PHACTR3: variants seen among roughly 807,000 people sequenced by gnomAD.
PHACTR3 encodes the protein protein phosphatase 1, regulatory subunit 123.
PHACTR3 carries 16 observed loss-of-function variants against 66.8 expected under a neutral mutation model. The observed-to-expected ratio is 0.24, with a 90% CI of 0.16 to 0.36. The LOEUF (loss-of-function observed/expected upper bound fraction) is 0.36, where lower values mean the gene tolerates loss of function less well. Ranked by LOEUF, PHACTR3 falls within the 10% of genes least tolerant of loss-of-function variation. PHACTR3 has a pLI of 1.00. For missense variants in PHACTR3, 647 were observed against 719.9 expected, an observed-to-expected ratio of 0.90 and a Z score of 1.16; for synonymous variants, 323 against 292.1, an observed-to-expected ratio of 1.11 and a Z score of -1.08.
At chr20:59,826,256 G>A (rs541945032) in intron 8 of PHACTR3, among the ~76,000 whole-genome samples, 2 of 152,232 alleles carry the variant, frequency 1.3e-5, no homozygotes, top group Non-Finnish European at 2.9e-5. Context: ...TCCTCAGCAG[G>A]TTGTCTCCCT....
At chr20:59,783,811 A>T (rs1031089291) in intron 7 of PHACTR3, among the ~76,000 whole-genome samples, 12 of 152,110 alleles carry the variant, frequency 7.9e-5, no homozygotes, top group African/African-American at 2.9e-4. Flanking sequence ...TGATTTCAAG[A>T]TTGGGGCATG....
intron 1 of PHACTR3, among the ~76,000 whole-genome samples, chr20:59,700,776 C>T (rs2037473926): frequency 6.6e-6 from 1 of 150,968 alleles, no homozygotes; most frequent in Non-Finnish European, 1.5e-5. Context: ...TAGGTGCTTA[C>T]TTTTTTTGTT....
At chr20:59,655,492 G>C (rs2146460952) in intron 1 of PHACTR3, among the ~76,000 whole-genome samples, 1 of 151,998 alleles carries the variant, frequency 6.6e-6, no homozygotes, top group South Asian at 2.1e-4. Context: ...GATATTGGTA[G>C]TGTTGGCCCC....
At chr20:59,730,223 C>T (rs1433483756) in intron 1 of PHACTR3, among the ~76,000 whole-genome samples, 1 of 152,066 alleles carries the variant, frequency 6.6e-6, no homozygotes, top group Non-Finnish European at 1.5e-5. Context: ...TGCTGAAGGC[C>T]ATGGTGGAAA....
At chr20:59,843,036 C>CA (rs1368919160) in intron 11 of PHACTR3, among the ~76,000 whole-genome samples, 1 of 151,608 alleles carries the variant, frequency 6.6e-6, no homozygotes, top group African/African-American at 2.4e-5. Context: ...ATAGGATACA[C>CA]AAAATCACAC....
intron 1 of PHACTR3, among the ~76,000 whole-genome samples, chr20:59,598,654 G>T (rs1158460309): frequency 6.6e-6 from 1 of 152,242 alleles, no homozygotes; most frequent in Non-Finnish European, 1.5e-5. Flanking sequence ...AGCCTTGGTT[G>T]GCATTGCATT....
At chr20:59,672,786 C>G (rs952263686) in intron 1 of PHACTR3, among the ~76,000 whole-genome samples, 1 of 152,168 alleles carries the variant, frequency 6.6e-6, no homozygotes, top group African/African-American at 2.4e-5. Flanking sequence ...TTAATCCTCC[C>G]CCTTGACCCC....
At chr20:59,782,016 A>T (rs938973548) in intron 7 of PHACTR3, among the ~76,000 whole-genome samples, 5 of 152,162 alleles carry the variant, frequency 3.3e-5, no homozygotes, top group African/African-American at 9.7e-5. Flanking sequence ...ATATGTCCCA[A>T]TCTAGGCCTC....
intron 1 of PHACTR3, among the ~76,000 whole-genome samples, chr20:59,682,100 G>A (rs938372720): frequency 1.3e-5 from 2 of 152,202 alleles, no homozygotes; most frequent in African/African-American, 4.8e-5. Context: ...AGCATTTTGG[G>A]AGGCCGAGGC....
Position 59,783,909 on chromosome 20 carries a change from A to G in PHACTR3, c.1174+9419A>G, listed in dbSNP as rs539807984. ...GGGCCAGCCGTGTGCTCTTAAAAGC[A>G]TTGGTAGGAACTGTATCCGTCTCCC... On this transcript the variant is annotated intron_variant, in intron 7 of 12. Transcript: ENST00000371015. 3.3e-5 allele frequency among the ~76,000 whole-genome samples: 5 copies of G among 152,356 alleles called. No individual in the cohort carries two copies. In the South Asian group the frequency reaches 1.0e-3, roughly 32 times the overall value.
chr20:59,708,511 G>A (rs1442066417), intron 1 of PHACTR3, among the ~76,000 whole-genome samples: 2 of 152,134 alleles, frequency 1.3e-5, no homozygotes, highest in African/African-American at 2.4e-5. Context: ...CCATGTGCAG[G>A]CCTGGGTTCT....
intron 1 of PHACTR3, among the ~76,000 whole-genome samples, chr20:59,598,703 TAG>T (rs962766613): frequency 9.2e-5 from 14 of 152,126 alleles, no homozygotes; most frequent in Non-Finnish European, 1.9e-4. Context: ...CAGCTCTAGG[TAG>T]AGAGTCCCTC....
chr20:59,599,583 A>G (rs2033417180), upstream of PHACTR3, among the ~76,000 whole-genome samples: 1 of 151,898 alleles, frequency 6.6e-6, no homozygotes, highest in Non-Finnish European at 1.5e-5. Context: ...TCCCTCCCTG[A>G]TCTGATCCTC....
upstream of PHACTR3, among the ~76,000 whole-genome samples, chr20:59,600,729 C>G (rs1434462641): frequency 1.3e-5 from 2 of 152,132 alleles, no homozygotes; most frequent in Non-Finnish European, 2.9e-5. Context: ...CTTCAGGGAG[C>G]AGTGTTGGGT....
chr20:59,774,573 C>T (rs1014959535), intron 7 of PHACTR3, 83 bp downstream of exon 7: 53 of 1,522,818 alleles, frequency 3.5e-5, no homozygotes, highest in Admixed American at 3.0e-4. Context: ...GAGCTCGTGC[C>T]TGGGGGAGGA....
intron 1 of PHACTR3, among the ~76,000 whole-genome samples, chr20:59,693,881 G>A (rs1415887385): frequency 6.6e-6 from 1 of 152,188 alleles, no homozygotes; most frequent in Non-Finnish European, 1.5e-5. Flanking sequence ...AGCCCCGTTA[G>A]TCCTAGGCTC....
intron 1 of PHACTR3, among the ~76,000 whole-genome samples, chr20:59,707,344 T>C (rs1184284390): frequency 1.3e-5 from 2 of 152,106 alleles, no homozygotes; most frequent in Non-Finnish European, 2.9e-5. Flanking sequence ...TGATCCCCAG[T>C]GTTAAAGGTG....
intron 1 of PHACTR3, among the ~76,000 whole-genome samples, chr20:59,677,939 A>G (rs2036507809): frequency 6.6e-6 from 1 of 152,200 alleles, no homozygotes; most frequent in African/African-American, 2.4e-5. Flanking sequence ...GTTGTCACCT[A>G]GGTGCAACTC....
intron 1 of PHACTR3, among the ~76,000 whole-genome samples, chr20:59,655,441 C>G (rs1477489670): frequency 6.6e-6 from 1 of 151,940 alleles, no homozygotes; most frequent in Non-Finnish European, 1.5e-5. Flanking sequence ...AATTTATTGG[C>G]ATGCAGTTAT....
Sources: allele counts gnomAD v4.1 joint callset (sites outside exome capture counted in the v4.1 genomes callset), GRCh38; gene constraint gnomAD v4.1.1; transcripts MANE v1.5; gene names NCBI Gene and HGNC (gene_info 2026-07-23, HGNC 2026-07-21).